CNGB3: variants seen among roughly 807,000 people sequenced by gnomAD.
The protein encoded by CNGB3 is cyclic nucleotide-gated channel beta-3.
Under a neutral mutation model 92.8 loss-of-function variants are expected in CNGB3, and 86 were observed. The observed-to-expected ratio is 0.93, with a 90% CI of 0.78 to 1.11. The LOEUF (loss-of-function observed/expected upper bound fraction) is 1.11, where lower values mean the gene tolerates loss of function less well. Ranked by LOEUF, CNGB3 falls within the 50% of genes least tolerant of loss-of-function variation. The pLI is 0.00. For synonymous variants in CNGB3, 333 were observed against 332.7 expected (o/e 1.00, Z -0.01); for missense variants, 1,026 against 956.8 (o/e 1.07, Z -0.95).
chr8:86,593,807 T>G, intron 15 of CNGB3: 1 of 1,319,660 alleles, frequency 7.6e-7, no homozygotes, highest in Non-Finnish European at 1.1e-6. Context: ...GGGCCGCAGC[T>G]TGTCCACATC....
chr8:86,692,900 G>A (rs1362665110), intron 3 of CNGB3, among the ~76,000 whole-genome samples: 1 of 152,076 alleles, frequency 6.6e-6, no homozygotes, highest in Non-Finnish European at 1.5e-5. Context: ...GCTCCTTTTA[G>A]CAGTTCTTAT....
intron 15 of CNGB3, among the ~76,000 whole-genome samples, chr8:86,600,776 ATTTTTTTTTTTTTTTTT>A (rs533111246): frequency 2.9e-4 from 11 of 38,402 alleles, no homozygotes; most frequent in Admixed American, 1.4e-3. Context: ...CGCTCGGCTA[ATTTTTTTTTTTTTTTTT>A]TTTTTTTTTT....
intron 1 of CNGB3, among the ~76,000 whole-genome samples, chr8:86,740,366 G>A (rs983610326): frequency 6.6e-6 from 1 of 152,178 alleles, no homozygotes; most frequent in African/African-American, 2.4e-5. Context: ...TTAGGATGGG[G>A]CATAAACAGG....
intron 3 of CNGB3, among the ~76,000 whole-genome samples, chr8:86,690,771 A>G (rs1824295994): frequency 6.6e-6 from 1 of 151,958 alleles, no homozygotes; most frequent in African/African-American, 2.4e-5. Flanking sequence ...TCAGCTTTCT[A>G]CATATGGCTA....
At chr8:86,620,080 G>A (rs537108226) in intron 13 of CNGB3, among the ~76,000 whole-genome samples, 7 of 152,150 alleles carry the variant, frequency 4.6e-5, no homozygotes, top group East Asian at 3.9e-4. Context: ...TCAGTGATCC[G>A]GATAGGGTTG....
intron 12 of CNGB3, 46 bp downstream of exon 12, chr8:86,628,873 T>C (rs755963757): frequency 4.4e-6 from 7 of 1,603,706 alleles, no homozygotes; most frequent in African/African-American, 1.3e-5. Flanking sequence ...ATTTTCATCA[T>C]ATGACAAGGT....
intron 13 of CNGB3, among the ~76,000 whole-genome samples, chr8:86,612,830 A>G (rs1158244276): frequency 2.0e-5 from 3 of 152,366 alleles, no homozygotes; most frequent in Non-Finnish European, 4.4e-5. Flanking sequence ...TATCTTCTTA[A>G]TACAGTCTAA....
chr8:86,594,513 T>G, intron 15 of CNGB3: 1 of 320,312 alleles, frequency 3.1e-6, no homozygotes, highest in Admixed American at 4.1e-5. Flanking sequence ...AAGCCAGCCT[T>G]GTCTTTGGCA....
chr8:86,707,138 A>G (rs189252996), intron 3 of CNGB3, among the ~76,000 whole-genome samples: 3 of 152,176 alleles, frequency 2.0e-5, no homozygotes, highest in African/African-American at 4.8e-5. Context: ...GCTCCCATCC[A>G]TCCATCCATT....
chr8:86,644,692 T>C lies in CNGB3; in HGVS notation c.991-6A>G, dbSNP rs766638062. 1 of 1,517,804 alleles carries C rather than the reference T, an allele frequency of 6.6e-7. No homozygotes were observed. Among genetic ancestry groups the C allele is most frequent in the Non-Finnish European group, 8.9e-7 (1 of 1,128,678 alleles). The allele number at this position is 1,517,804 out of a possible 1,614,324, so 94.0% of individuals were successfully genotyped here. A position where few individuals can be genotyped will look rare whatever the true frequency, so the allele number is the denominator to read the frequency against. On this transcript the variant is annotated splice_region_variant and splice_polypyrimidine_tract_variant and intron_variant, in intron 8 of 17. Transcript: ENST00000320005. ...AATTCAAAAAATGAAGTGTACTATA[T>C]AGAAAAGCAAAAGAAATCCAAAAGC... is the stretch of plus-strand genomic sequence containing the variant.
intron 14 of CNGB3, among the ~76,000 whole-genome samples, chr8:86,607,697 T>C (rs75945639): frequency 8.1e-4 from 123 of 152,264 alleles, no homozygotes; most frequent in African/African-American, 2.8e-3. Flanking sequence ...TGCCCTGCCA[T>C]AGAGCATCTG....
intron 15 of CNGB3, among the ~76,000 whole-genome samples, chr8:86,582,588 G>C (rs1821810097): frequency 6.6e-6 from 1 of 152,116 alleles, no homozygotes; most frequent in South Asian, 2.1e-4. Flanking sequence ...ATCCAGAGGG[G>C]GGAAGTACCT....
At chr8:86,674,941 T>TTTGTTGTTGTTG (rs79993104) in intron 3 of CNGB3, among the ~76,000 whole-genome samples, 4 of 149,226 alleles carry the variant, frequency 2.7e-5, no homozygotes, top group African/African-American at 1.0e-4. Context: ...TTTCTCTCTT[T>TTTGTTGTTGTTG]TTGTTGTTGT....
At chr8:86,705,689 G>A (rs1489456077) in intron 3 of CNGB3, among the ~76,000 whole-genome samples, 3 of 152,198 alleles carry the variant, frequency 2.0e-5, no homozygotes, top group Non-Finnish European at 2.9e-5. Context: ...GTTCAGAGAG[G>A]AGTTATAGCC....
intron 3 of CNGB3, among the ~76,000 whole-genome samples, chr8:86,717,424 G>A (rs181126899): frequency 3.0e-4 from 45 of 152,110 alleles, no homozygotes; most frequent in Admixed American, 6.6e-4. Flanking sequence ...TTAGCCAGGC[G>A]TGGTGGCGTG....
intron 10 of CNGB3, among the ~76,000 whole-genome samples, chr8:86,643,121 C>T (rs1823223174): frequency 6.6e-6 from 1 of 151,452 alleles, no homozygotes; most frequent in Non-Finnish European, 1.5e-5. Flanking sequence ...CACACACTCC[C>T]CTACTATCTA....
rs1304197032 is a variant in CNGB3, at chr8:86,724,637, T to C, written c.338+1894A>G. On this transcript the variant is annotated intron_variant, in intron 3 of 17. Transcript: ENST00000320005. ...TTTTCAGGCAGATAATCATATAAAA[T>C]GCATCAGCAATAAATGCTGTGAAAG... Among the ~76,000 whole-genome samples, 3 of 152,098 alleles carry C rather than the reference T, an allele frequency of 2.0e-5. No individual in the cohort carries two copies. In the East Asian group the frequency reaches 5.8e-4, roughly 29 times the overall value.
chr8:86,733,545 A>C (rs1825194942), intron 2 of CNGB3, among the ~76,000 whole-genome samples: 1 of 152,218 alleles, frequency 6.6e-6, no homozygotes, highest in Non-Finnish European at 1.5e-5. Flanking sequence ...AAAAAGTTAT[A>C]TACATTTTGT....
At chr8:86,659,638 C>A (rs1253214155) in intron 6 of CNGB3, 3 of 507,226 alleles carry the variant, frequency 5.9e-6, no homozygotes. Flanking sequence ...ATACTGCAGG[C>A]AGCTGGCCAG....
Sources: gnomAD v4.1 joint callset for allele counts (sites outside exome capture counted in the v4.1 genomes callset) on GRCh38, gnomAD v4.1.1 for gene constraint, MANE v1.5 for transcripts, NCBI Gene and HGNC (gene_info 2026-07-23, HGNC 2026-07-21) for gene names.